LCLAT1: variants seen among roughly 807,000 people sequenced by gnomAD.
The protein encoded by LCLAT1 is 1-AGP acyltransferase 8.
Under a neutral mutation model 30.7 loss-of-function variants are expected in LCLAT1, and 11 were observed. The observed-to-expected ratio is 0.36, with a 90% CI of 0.23 to 0.59. LCLAT1 has a LOEUF of 0.59. LCLAT1 is among the 20% of genes least tolerant of loss of function. LCLAT1 has a pLI of 0.77. For synonymous variants in LCLAT1, 155 were observed against 151.3 expected, an observed-to-expected ratio of 1.02 and a Z score of -0.18; for missense variants, 402 against 458.6, an observed-to-expected ratio of 0.88 and a Z score of 1.13.
At chr2:30,626,478 G>C (rs574654224) in intron 5 of LCLAT1, among the ~76,000 whole-genome samples, 5 of 152,036 alleles carry the variant, frequency 3.3e-5, no homozygotes, top group African/African-American at 1.2e-4. Context: ...TCATGTTTTC[G>C]TAATCCTTTA....
chr2:30,572,867 T>C (rs1340198872), intron 5 of LCLAT1, among the ~76,000 whole-genome samples: 1 of 151,966 alleles, frequency 6.6e-6, no homozygotes, highest in East Asian at 1.9e-4. Flanking sequence ...ATTTCTCTAA[T>C]CTTTAAAAAA....
chr2:30,524,767 ATAGT>A (rs1344208134), intron 1 of LCLAT1, among the ~76,000 whole-genome samples: 1 of 152,162 alleles, frequency 6.6e-6, no homozygotes, highest in African/African-American at 2.4e-5. Context: ...TTTATTAATA[ATAGT>A]TATTAATCTC....
chr2:30,585,458 G>C (rs551241761), intron 5 of LCLAT1, among the ~76,000 whole-genome samples: 5 of 152,066 alleles, frequency 3.3e-5, no homozygotes, highest in Non-Finnish European at 5.9e-5. Context: ...CACATTCTTA[G>C]GTAAGTTCAC....
intron 5 of LCLAT1, among the ~76,000 whole-genome samples, chr2:30,568,908 A>C (rs1367125954): frequency 6.6e-6 from 1 of 151,304 alleles, no homozygotes; most frequent in Non-Finnish European, 1.5e-5. Context: ...TTATCACTTA[A>C]ACTAACCATA....
intron 3 of LCLAT1, among the ~76,000 whole-genome samples, chr2:30,545,036 T>A (rs1234578309): frequency 6.6e-6 from 1 of 152,172 alleles, no homozygotes; most frequent in Non-Finnish European, 1.5e-5. Flanking sequence ...ATTTGTAAGC[T>A]TGATAGGATT....
intron 1 of LCLAT1, among the ~76,000 whole-genome samples, chr2:30,509,056 T>G (rs1000708443): frequency 2.6e-5 from 4 of 152,238 alleles, no homozygotes; most frequent in African/African-American, 7.2e-5. Flanking sequence ...GGTTTTTGAT[T>G]TGGCTTTCAG....
chr2:30,480,795 T>C (rs1206358146), intron 1 of LCLAT1, among the ~76,000 whole-genome samples: 1 of 152,134 alleles, frequency 6.6e-6, no homozygotes, highest in East Asian at 1.9e-4. Flanking sequence ...GTGCTGGGGT[T>C]TTTTGCTGAG....
At chr2:30,600,746 G>A (rs750882209) in intron 5 of LCLAT1, among the ~76,000 whole-genome samples, 1 of 152,044 alleles carries the variant, frequency 6.6e-6, no homozygotes, top group Non-Finnish European at 1.5e-5. Flanking sequence ...AGAATCTGAT[G>A]ATTATGTGTC....
intron 5 of LCLAT1, chr2:30,606,853 A>G (rs931753061): frequency 6.6e-6 from 1 of 152,210 alleles, no homozygotes; most frequent in African/African-American, 2.4e-5. Context: ...ACAAAGGTCT[A>G]ATATTCAGAG....
At chr2:30,569,832 A>G (rs1348344135) in intron 5 of LCLAT1, among the ~76,000 whole-genome samples, 1 of 152,186 alleles carries the variant, frequency 6.6e-6, no homozygotes, top group Non-Finnish European at 1.5e-5. Context: ...CTAATATAAC[A>G]TGGACTTGTG....
In LCLAT1 at chr2:30,528,824, A is replaced by G. The variant is rs565545088; in HGVS notation, c.165+3069A>G. The stretch of plus-strand genomic sequence containing the variant: ...AGCTGTTTAGTTTACTAGTTACAGC[A>G]TATCAGACAGAGAAAGTTTTTTTAG... On this transcript the variant is annotated intron_variant, in intron 2 of 5. Coordinates refer to ENST00000379509, the MANE Select transcript of LCLAT1 (RefSeq NM_001002257.3). Among the ~76,000 whole-genome samples, 29 of 152,352 alleles carry G rather than the reference A, an allele frequency of 1.9e-4. No individual in the cohort carries two copies. In the South Asian group the frequency reaches 4.8e-3, roughly 25 times the overall value.
At chr2:30,493,496 A>G (rs190519274) in intron 1 of LCLAT1, among the ~76,000 whole-genome samples, 1 of 152,346 alleles carries the variant, frequency 6.6e-6, no homozygotes, top group East Asian at 1.9e-4. Context: ...TGTTATACCA[A>G]GCATGTTCTA....
At chr2:30,486,642 G>C (rs1683570459) in intron 1 of LCLAT1, among the ~76,000 whole-genome samples, 1 of 152,152 alleles carries the variant, frequency 6.6e-6, no homozygotes, top group African/African-American at 2.4e-5. Context: ...ACCAGAATTT[G>C]TTCTTTTCAT....
intron 1 of LCLAT1, among the ~76,000 whole-genome samples, chr2:30,475,437 G>A (rs751322410): frequency 1.3e-5 from 2 of 152,156 alleles, no homozygotes; most frequent in Admixed American, 6.5e-5. Flanking sequence ...ACATGTAACC[G>A]TTAAAATTGC....
intron 1 of LCLAT1, among the ~76,000 whole-genome samples, chr2:30,466,714 G>A (rs928795246): frequency 2.0e-5 from 3 of 152,074 alleles, no homozygotes; most frequent in African/African-American, 4.8e-5. Context: ...TTAACACTGG[G>A]TATAGGGCCT....
intron 3 of LCLAT1, among the ~76,000 whole-genome samples, chr2:30,556,766 A>G (rs1387361026): frequency 7.8e-6 from 1 of 128,040 alleles, no homozygotes; most frequent in Non-Finnish European, 1.6e-5. Flanking sequence ...TTTTTTTGAG[A>G]CGGAGTTTTG....
intron 5 of LCLAT1, among the ~76,000 whole-genome samples, chr2:30,618,778 C>T (rs189006264): frequency 6.6e-6 from 1 of 152,300 alleles, no homozygotes; most frequent in East Asian, 1.9e-4. Flanking sequence ...TAATAATGAA[C>T]TTGTATCCTG....
At chr2:30,494,399 C>G (rs185221353) in intron 1 of LCLAT1, among the ~76,000 whole-genome samples, 4 of 152,040 alleles carry the variant, frequency 2.6e-5, no homozygotes, top group Non-Finnish European at 5.9e-5. Flanking sequence ...CACATGGTCC[C>G]GATAGCTGGA....
At chr2:30,602,102 G>A (rs1477023848) in intron 5 of LCLAT1, among the ~76,000 whole-genome samples, 1 of 152,088 alleles carries the variant, frequency 6.6e-6, no homozygotes, top group Non-Finnish European at 1.5e-5. Flanking sequence ...TAGGATTTCA[G>A]GTGGCAGGCA....
Sources: allele counts gnomAD v4.1 joint callset (sites outside exome capture counted in the v4.1 genomes callset), GRCh38; gene constraint gnomAD v4.1.1; transcripts MANE v1.5; gene names NCBI Gene and HGNC (gene_info 2026-07-23, HGNC 2026-07-21).